Variants in COL2A1 observed in about 807,000 individuals in gnomAD.
The protein encoded by COL2A1 is collagen type II alpha 1 chain.
Under a neutral mutation model 204.5 loss-of-function variants are expected in COL2A1, and 28 were observed. The observed-to-expected ratio is 0.14, with a 90% CI of 0.10 to 0.19. The LOEUF (loss-of-function observed/expected upper bound fraction) is 0.19. Among genes scored for constraint, COL2A1 ranks in the 10% least tolerant of loss-of-function variants. COL2A1 has a pLI of 1.00. For synonymous variants in COL2A1, 708 were observed against 718.7 expected (o/e 0.99, Z 0.24); for missense variants, 1,388 against 2,027.5 (o/e 0.68, Z 6.06).
chr12:47,989,343 AC>A, intron 17 of COL2A1, 62 bp from the exon 18 acceptor site: 1 of 1,322,318 alleles, frequency 7.6e-7, no homozygotes, highest in Non-Finnish European at 1.1e-6. Context: ...AAAGCGAGCC[AC>A]CCCGACACCT....
rs764620334 is a variant in COL2A1, at chr12:47,978,401, G to A, written c.2896-3C>T. 3 of 1,613,584 alleles carry A rather than the reference G, an allele frequency of 1.9e-6. No individual in the cohort carries two copies. The highest frequency in any genetic ancestry group is 3.3e-5 in the Admixed American group (2 of 59,998). On this transcript the variant is annotated splice_region_variant and splice_polypyrimidine_tract_variant and intron_variant, in intron 42 of 53. Transcript: ENST00000380518. The surrounding 1 kb of genome is among the most constrained non-coding windows in gnomAD (Gnocchi z 5.5). ...GGACCTGGTGGACCTTCGGCACCCT[G>A]AGAGAGGAGAGGCAGGAGATGAGAA...
In COL2A1 at chr12:47,982,872, G is replaced by A. The variant is rs74682722; in HGVS notation, c.2169C>T (p.Gly723=). ...QGLQGPRGLP[G]TPGTDGPKGA... ...CTTTGGGACCATCAGTGCCAGGAGT[G>A]CCGGGGAGGCCACGGGGACCCTGGA... Residue 723 remains glycine, a synonymous_variant, in exon 33 of 54, where the codon GGC becomes GGT. Coordinates refer to ENST00000380518, the MANE Select transcript of COL2A1 (RefSeq NM_001844.5). 1.2e-5 allele frequency: 19 copies of A among 1,612,348 alleles called. No individual in the cohort carries two copies. The highest frequency in any genetic ancestry group is 1.4e-5 in the Non-Finnish European group (16 of 1,179,864).
chr12:47,984,048 G>C, intron 29 of COL2A1, 39 bp downstream of exon 29: 1 of 1,582,020 alleles, frequency 6.3e-7, no homozygotes, highest in Non-Finnish European at 8.6e-7. Context: ...CCCAGCCCCT[G>C]CCCCCAGGGC....
chr12:47,992,976 G>T, intron 15 of COL2A1, 45 bp from the exon 16 acceptor site: 1 of 1,586,770 alleles, frequency 6.3e-7, no homozygotes, highest in Non-Finnish European at 8.7e-7. Context: ...TGGCTTTACG[G>T]TGCTCAGGGT....
chr12:47,990,030 CGG>C (rs1343444543), intron 16 of COL2A1, among the ~76,000 whole-genome samples: 1 of 152,086 alleles, frequency 6.6e-6, no homozygotes, highest in Non-Finnish European at 1.5e-5. Flanking sequence ...GTTTTTGAGA[CGG>C]AGTCTGGCTC....
chr12:47,993,933 A>G (rs984751386), intron 13 of COL2A1, 61 bp downstream of exon 13: 2 of 1,611,566 alleles, frequency 1.2e-6, no homozygotes, highest in East Asian at 2.2e-5. Flanking sequence ...ACGCACCCCA[A>G]AGTGCTTTTC....
chr12:47,994,233 G>A (rs1337535841), intron 12 of COL2A1, among the ~76,000 whole-genome samples, 186 bp from the exon 13 acceptor site: 1 of 152,160 alleles, frequency 6.6e-6, no homozygotes, highest in East Asian at 1.9e-4. Flanking sequence ...ATGCAAAGTG[G>A]TATAAATAAC....
At chr12:47,989,843 C>A in intron 16 of COL2A1, 38 bp from the exon 17 acceptor site, 2 of 1,603,288 alleles carry the variant, frequency 1.2e-6, no homozygotes, top group Non-Finnish European at 1.7e-6. Context: ...GAGGTGCCCA[C>A]AGGCCCTGTC....
At chr12:48,000,371 T>C (rs947740626) in intron 1 of COL2A1, among the ~76,000 whole-genome samples, 2 of 152,226 alleles carry the variant, frequency 1.3e-5, no homozygotes, top group African/African-American at 4.8e-5. Context: ...GTGAAAATCT[T>C]GACCCAGCAA....
Position 47,986,832 on chromosome 12 carries a change from C to T in COL2A1, c.1419+3G>A. 1 of 1,614,166 alleles carries T rather than the reference C, an allele frequency of 6.2e-7. No homozygotes were observed. The highest frequency in any genetic ancestry group is 8.5e-7 in the Non-Finnish European group (1 of 1,180,012). ...AGACAAGGGCTTGGGGGCAGATACT[C>T]ACAGGTTCTCCCTTGGGGCCTTGTT... On this transcript the variant is annotated splice_donor_region_variant and intron_variant, in intron 22 of 53. Coordinates refer to ENST00000380518, the MANE Select transcript of COL2A1 (RefSeq NM_001844.5).
chr12:47,990,927 C>T (rs1002690751), intron 16 of COL2A1, among the ~76,000 whole-genome samples: 19 of 152,166 alleles, frequency 1.2e-4, no homozygotes, highest in Admixed American at 1.0e-3. Context: ...CTGAGTCCTG[C>T]CTGTCAGTCT....
chr12:47,980,420 G>T lies in COL2A1; in HGVS notation c.2625+134C>A. The T allele has an allele frequency of 1.2e-6, 1 of 846,502 alleles. No homozygotes were observed. The allele number at this position is 846,502 out of a possible 1,614,324, so 52.4% of individuals were successfully genotyped here. On this transcript the variant is annotated intron_variant, in intron 39 of 53. Coordinates refer to ENST00000380518, the MANE Select transcript of COL2A1 (RefSeq NM_001844.5). The surrounding 1 kb of genome is among the most constrained non-coding windows in gnomAD (Gnocchi z 4.5). ...ACCCACACAGCCCACATGCCACATG[G>T]AAGCTCCTTCTACCAACATGGGGGT...
chr12:47,990,032 G>A (rs1224444710), intron 16 of COL2A1, among the ~76,000 whole-genome samples: 2 of 152,130 alleles, frequency 1.3e-5, no homozygotes, highest in Non-Finnish European at 2.9e-5. Context: ...TTTTGAGACG[G>A]AGTCTGGCTC....
At chr12:47,982,649 C>G (rs778218370) in intron 33 of COL2A1, 40 bp from the exon 34 acceptor site, 2 of 1,466,498 alleles carry the variant, frequency 1.4e-6, no homozygotes, top group Non-Finnish European at 1.9e-6. Context: ...GTGGACAGCA[C>G]CTCTCCCTGA....
At chr12:48,002,025 G>A (rs1045042556) in intron 1 of COL2A1, among the ~76,000 whole-genome samples, 13 of 152,214 alleles carry the variant, frequency 8.5e-5, no homozygotes, top group Non-Finnish European at 1.5e-4. Context: ...TTGTGGGAGA[G>A]GGGGTCTGGG....
upstream of COL2A1, chr12:48,004,558 CCTGCCCCCCGCTGGGCTGT>C: frequency 2.1e-6 from 1 of 473,256 alleles, no homozygotes; most frequent in Non-Finnish European, 3.8e-6. Flanking sequence ...CGGGCCGCCC[CCTGCCCCCCGCTGGGCTGT>C]AACCTGAACC....
intron 41 of COL2A1, 123 bp downstream of exon 41, chr12:47,979,388 T>A (rs1938910526): frequency 9.7e-7 from 1 of 1,033,238 alleles, no homozygotes; most frequent in Admixed American, 1.7e-5. Flanking sequence ...TAGCTACTCC[T>A]CCAGGGGGCA....
intron 34 of COL2A1, 57 bp from the exon 35 acceptor site, chr12:47,982,217 G>T (rs1939132485): frequency 8.1e-6 from 12 of 1,490,374 alleles, no homozygotes; most frequent in South Asian, 6.8e-5. Context: ...CCCATGGTTT[G>T]CTCAGTCCCA....
At position 47,987,059 on chromosome 12, in the gene COL2A1, G is replaced by T; in HGVS notation, c.1365+19C>A. On this transcript the variant is annotated intron_variant, in intron 21 of 53. Coordinates refer to ENST00000380518, the MANE Select transcript of COL2A1 (RefSeq NM_001844.5). The surrounding 1 kb of genome is among the most constrained non-coding windows in gnomAD (Gnocchi z 4.1). ...TCCAGAGATGTCAGTGGAACTTGGG[G>T]GTCACTTTGGGCTCTTACCGTCTGA... 1 of 1,610,260 alleles carries T rather than the reference G, an allele frequency of 6.2e-7. No homozygotes were observed. Among genetic ancestry groups the T allele is most frequent in the Middle Eastern group, 1.6e-4 (1 of 6,062 alleles).
Sources: allele counts gnomAD v4.1 joint callset (sites outside exome capture counted in the v4.1 genomes callset), GRCh38; gene constraint gnomAD v4.1.1; non-coding constraint Gnocchi (gnomAD v3.1); transcripts MANE v1.5; gene names NCBI Gene and HGNC (gene_info 2026-07-23, HGNC 2026-07-21).